The following PDE1C variants were observed in gnomAD, a reference collection of about 807,000 sequenced individuals.
PDE1C encodes the protein dual specificity calcium/calmodulin-dependent 3',5'-cyclic nucleotide phosphodiesterase 1C.
PDE1C carries 62 observed loss-of-function variants against 93.1 expected under a neutral mutation model. The ratio of observed to expected loss-of-function variants is 0.67; its 90% CI spans 0.54 to 0.82. The LOEUF is 0.82. Ranked by LOEUF, PDE1C falls within the 40% of genes least tolerant of loss-of-function variation. The pLI is 0.00. For missense variants in PDE1C, 742 were observed against 884.6 expected (o/e 0.84, Z 2.04); for synonymous variants, 325 against 310.1 (o/e 1.05, Z -0.50).
chr7:31,950,781 A>C (rs1474862400), intron 2 of PDE1C, among the ~76,000 whole-genome samples: 1 of 152,222 alleles, frequency 6.6e-6, no homozygotes, highest in Non-Finnish European at 1.5e-5. Context: ...AATTCTACAT[A>C]TAAAATCAAA....
chr7:32,210,076 G>A (rs1343827521), intron 1 of PDE1C, among the ~76,000 whole-genome samples: 1 of 152,200 alleles, frequency 6.6e-6, no homozygotes, highest in Non-Finnish European at 1.5e-5. Context: ...TAATAGAATT[G>A]TTCAGAAAAC....
At chr7:32,242,003 T>C (rs1230520848) in intron 1 of PDE1C, among the ~76,000 whole-genome samples, 3 of 151,932 alleles carry the variant, frequency 2.0e-5, no homozygotes, top group Non-Finnish European at 4.4e-5. Context: ...ATGGGAAGAG[T>C]GGGCAAATTT....
chr7:32,192,667 C>T (rs948820847), intron 2 of PDE1C, among the ~76,000 whole-genome samples: 1 of 152,060 alleles, frequency 6.6e-6, no homozygotes, highest in African/African-American at 2.4e-5. Context: ...AACTGTTCTA[C>T]TTCCTACGAT....
intron 2 of PDE1C, among the ~76,000 whole-genome samples, chr7:31,989,142 G>C (rs1267661327): frequency 6.6e-6 from 1 of 151,234 alleles, no homozygotes; most frequent in Non-Finnish European, 1.5e-5. Flanking sequence ...AAAGAAAGAA[G>C]ACAAACACAA....
At chr7:32,301,787 A>C (rs1300234448), upstream of PDE1C, among the ~76,000 whole-genome samples, 1 of 152,262 alleles carries the variant, frequency 6.6e-6, no homozygotes, top group Non-Finnish European at 1.5e-5. Context: ...ACCAAGACAG[A>C]CAAGCAGATG....
intron 1 of PDE1C, among the ~76,000 whole-genome samples, chr7:32,268,122 C>T (rs1431798001): frequency 6.6e-6 from 1 of 152,224 alleles, no homozygotes; most frequent in Non-Finnish European, 1.5e-5. Context: ...GAGGTCCATT[C>T]CTAGGCCCAG....
intron 1 of PDE1C, among the ~76,000 whole-genome samples, chr7:32,244,631 A>G (rs754925450): frequency 9.2e-5 from 14 of 152,194 alleles, no homozygotes; most frequent in Non-Finnish European, 2.1e-4. Context: ...TGAAGGAAGA[A>G]CACCCTGTCA....
intron 3 of PDE1C, among the ~76,000 whole-genome samples, chr7:32,095,260 T>C (rs1797689926): frequency 6.6e-6 from 1 of 152,088 alleles, no homozygotes; most frequent in African/African-American, 2.4e-5. Flanking sequence ...CAACCAGACA[T>C]CCCATCAGTG....
At chr7:32,251,250 C>T (rs777632646) in intron 1 of PDE1C, among the ~76,000 whole-genome samples, 3 of 148,644 alleles carry the variant, frequency 2.0e-5, no homozygotes, top group Non-Finnish European at 4.5e-5. Flanking sequence ...AGACCTAGAC[C>T]TGAATCCGGC....
At chr7:32,230,963 C>T (rs1217761388) in intron 1 of PDE1C, among the ~76,000 whole-genome samples, 3 of 152,110 alleles carry the variant, frequency 2.0e-5, no homozygotes, top group Non-Finnish European at 4.4e-5. Flanking sequence ...AGTAGAAAGA[C>T]CAGCTTACCA....
At chr7:31,834,223 G>T (rs1790776583) in intron 11 of PDE1C, among the ~76,000 whole-genome samples, 1 of 152,226 alleles carries the variant, frequency 6.6e-6, no homozygotes, top group Non-Finnish European at 1.5e-5. Context: ...CAGGGGCAGG[G>T]CCTTCATGGA....
At chr7:31,723,130 C>T in the PDE1C span, among the ~76,000 whole-genome samples, 1 of 152,150 alleles carries the variant, frequency 6.6e-6, no homozygotes, top group African/African-American at 2.4e-5. Flanking sequence ...CTGCTTCATG[C>T]CACCAACATC....
chr7:31,907,729 T>G (rs2128931566), intron 2 of PDE1C, among the ~76,000 whole-genome samples: 1 of 152,188 alleles, frequency 6.6e-6, no homozygotes, highest in East Asian at 1.9e-4. Context: ...TAAGCAGATT[T>G]ATTATACATA....
At chr7:32,233,070 G>A (rs1311437371) in intron 1 of PDE1C, among the ~76,000 whole-genome samples, 2 of 152,090 alleles carry the variant, frequency 1.3e-5, no homozygotes, top group African/African-American at 4.8e-5. Context: ...AGACATCAAC[G>A]TTGAGATGGA....
chr7:31,644,011 G>A, the PDE1C span: 3 of 1,457,916 alleles, frequency 2.1e-6, no homozygotes, highest in Non-Finnish European at 2.8e-6. Flanking sequence ...AAACACCTCA[G>A]GGATAATATT....
intron 2 of PDE1C, among the ~76,000 whole-genome samples, chr7:31,890,187 G>A (rs1173339087): frequency 2.6e-5 from 4 of 152,202 alleles, no homozygotes; most frequent in African/African-American, 9.7e-5. Context: ...CCCAGGCCAT[G>A]CTGGGGACTG....
intron 7 of PDE1C, among the ~76,000 whole-genome samples, chr7:31,859,504 C>T (rs1245387141): frequency 1.3e-5 from 2 of 150,684 alleles, no homozygotes; most frequent in Admixed American, 6.6e-5. Flanking sequence ...TATAATGTTA[C>T]AATAGCCTGT....
intron 2 of PDE1C, among the ~76,000 whole-genome samples, chr7:31,904,916 A>G (rs6462310): frequency 0.46 from 69,903 of 151,702 alleles, 16,910 homozygotes; most frequent in Non-Finnish European, 0.54. Context: ...ACTAATAAAC[A>G]TGGTAAAAAG....
intron 15 of PDE1C, among the ~76,000 whole-genome samples, chr7:31,814,201 C>T (rs1306516049): frequency 6.6e-6 from 1 of 152,044 alleles, no homozygotes; most frequent in South Asian, 2.1e-4. Flanking sequence ...CATGTATGTG[C>T]AAGTATCTTT....
Sources: gnomAD v4.1 joint callset for allele counts (sites outside exome capture counted in the v4.1 genomes callset) on GRCh38, gnomAD v4.1.1 for gene constraint, MANE v1.5 for transcripts, NCBI Gene and HGNC (gene_info 2026-07-23, HGNC 2026-07-21) for gene names.